Variants in RLF observed in about 807,000 individuals in gnomAD.
RLF encodes zinc finger protein Rlf.
RLF carries 7 observed loss-of-function variants against 162.9 expected under a neutral mutation model. The ratio of observed to expected loss-of-function variants is 0.04; its 90% CI spans 0.02 to 0.08. RLF has a LOEUF of 0.08. Among genes scored for constraint, RLF ranks in the 10% least tolerant of loss-of-function variants. The probability of loss-of-function intolerance (pLI) is 1.00; values close to 1 mark genes in which losing one functional copy is unlikely to be tolerated. For missense variants in RLF, 1,664 were observed against 2,244.7 expected (o/e 0.74, Z 5.23); for synonymous variants, 782 against 791.5 (o/e 0.99, Z 0.20).
chr1:40,188,548 T>G (rs1303852444), intron 1 of RLF, among the ~76,000 whole-genome samples: 2 of 151,690 alleles, frequency 1.3e-5, no homozygotes, highest in Non-Finnish European at 2.9e-5. Context: ...AATATCAATA[T>G]AACATTAACC....
chr1:40,185,843 C>CAAAAAAAAAAAAAAAAAAA (rs33982008), intron 1 of RLF, among the ~76,000 whole-genome samples: 19 of 67,538 alleles, frequency 2.8e-4, no homozygotes, highest in Admixed American at 7.0e-4. Flanking sequence ...AAAAAAAAAG[C>CAAAAAAAAAAAAAAAAAAA]AAAAAAAAAA....
chr1:40,203,203 C>T (rs963660278), intron 5 of RLF, among the ~76,000 whole-genome samples: 1 of 150,114 alleles, frequency 6.7e-6, no homozygotes, highest in Non-Finnish European at 1.5e-5. Flanking sequence ...CAGCCTCTGC[C>T]TCCCGGGTTC....
At chr1:40,217,047 TC>T (rs1365090431) in intron 5 of RLF, among the ~76,000 whole-genome samples, 1 of 151,936 alleles carries the variant, frequency 6.6e-6, no homozygotes, top group East Asian at 1.9e-4. Context: ...AGACTCTGTC[TC>T]CAAAAAAAGA....
intron 1 of RLF, among the ~76,000 whole-genome samples, chr1:40,179,695 G>C (rs972518222): frequency 6.6e-6 from 1 of 151,538 alleles, no homozygotes; most frequent in Non-Finnish European, 1.5e-5. Flanking sequence ...TCCATCTCCA[G>C]AACTTTGTCA....
Position 40,239,644 on chromosome 1 carries a change from G to A in RLF, c.4942G>A (p.Asp1648Asn). The A allele has an allele frequency of 6.2e-7, 1 of 1,614,200 alleles. No individual in the cohort carries two copies. Among genetic ancestry groups the A allele is most frequent in the Non-Finnish European group, 8.5e-7 (1 of 1,180,042 alleles). Residue 1648 changes from aspartate to asparagine, a missense_variant, in exon 8 of 8, where the codon GAT (aspartate) becomes AAT (asparagine). This residue lies in a region of RLF where 327 missense variants were observed against 342.7 expected (regional missense o/e 0.95). Transcript: ENST00000372771. ...TGATTGCTGTCATTCAAGTGAAAGG[G>A]ATGGAGGTCAGAAAGGGTGCATAGA... ...NTDCCHSSER[D>N]GGQKGCIESS...
chr1:40,236,038 C>T lies in RLF; in HGVS notation c.1336C>T (p.Pro446Ser). 6.2e-7 allele frequency: 1 copy of T among 1,613,624 alleles called. No homozygotes were observed. The change falls in exon 8 of 8, where the codon CCG becomes TCG. Residue 446 changes from proline (P) to serine (S), a missense_variant. This residue lies in a region of RLF where 287 missense variants were observed against 404.9 expected (regional missense o/e 0.71). Transcript: ENST00000372771. This position sits in a 1 kb window ranked among gnomAD's most constrained non-coding sequence, Gnocchi z 7.7. The part of the protein sequence containing the change: ...PDQKFDEENA[P>S]VPNSLRCELL... Reference sequence around the variant, plus strand: ...TCAAAAATTTGATGAAGAAAATGCACCGGTTCCAAATTCTCTTCGATGTGA... The same window carrying T: ...TCAAAAATTTGATGAAGAAAATGCATCGGTTCCAAATTCTCTTCGATGTGA...
rs747405591 is a variant in RLF, at chr1:40,236,434, G to A, written c.1732G>A (p.Glu578Lys). Reference sequence around the variant, plus strand: ...TCTTCATCATTCTAAGATGCATATGGAAGATGGAATTTACACCTGTCCAGT... The same window carrying A: ...TCTTCATCATTCTAAGATGCATATGAAAGATGGAATTTACACCTGTCCAGT... The part of the protein sequence containing the change: ...RILHHSKMHM[E>K]DGIYTCPVCI... Residue 578 changes from glutamate (E) to lysine (K), a missense_variant, in exon 8 of 8, where the codon GAA becomes AAA. By Grantham distance (56) the Glu-to-Lys change is moderately conservative. Around this residue, in one of 15 missense-constraint regions of RLF, gnomAD observed 31 missense variants for 80.5 expected, o/e 0.39. Coordinates refer to ENST00000372771, the MANE Select transcript of RLF (RefSeq NM_012421.4). This position sits in a 1 kb window ranked among gnomAD's most constrained non-coding sequence, Gnocchi z 7.7. 3.7e-6 allele frequency: 6 copies of A among 1,613,908 alleles called. No homozygotes were observed. The highest frequency in any genetic ancestry group is 5.1e-6 in the Non-Finnish European group (6 of 1,179,994).
At chr1:40,205,245 G>T (rs904858855) in intron 5 of RLF, among the ~76,000 whole-genome samples, 2 of 151,626 alleles carry the variant, frequency 1.3e-5, no homozygotes, top group Non-Finnish European at 2.9e-5. Flanking sequence ...CTTGAGCCCG[G>T]GAATTGCTTG....
At chr1:40,218,689 A>G (rs769326888) in intron 5 of RLF, among the ~76,000 whole-genome samples, 1 of 151,718 alleles carries the variant, frequency 6.6e-6, no homozygotes, top group African/African-American at 2.4e-5. Flanking sequence ...TTCAGTCAGT[A>G]TTATTCTTCC....
chr1:40,165,764 T>G (rs1642156394), intron 1 of RLF, among the ~76,000 whole-genome samples: 1 of 152,112 alleles, frequency 6.6e-6, no homozygotes, highest in Admixed American at 6.6e-5. Flanking sequence ...CTTTATTCCC[T>G]AAAATACCTC....
Position 40,227,244 on chromosome 1 carries a change from G to A in RLF, c.948-4273G>A, listed in dbSNP as rs118034048. ...AAATTTATATATAATTTGTTGAAAT[G>A]AGCTAGGTAATGGGCTAAATCAAGG... On this transcript the variant is annotated intron_variant, in intron 6 of 7. Transcript: ENST00000372771. Among the ~76,000 whole-genome samples, 33 of 152,278 alleles carry A rather than the reference G, an allele frequency of 2.2e-4. No individual in the cohort carries two copies. In the East Asian group the frequency reaches 6.4e-3, roughly 29 times the overall value.
chr1:40,190,814 G>T lies in RLF; in HGVS notation c.435G>T (p.Leu145=). The T allele has an allele frequency of 6.2e-7, 1 of 1,613,108 alleles. No homozygotes were observed. The highest frequency in any genetic ancestry group is 8.5e-7 in the Non-Finnish European group (1 of 1,179,498). ...ELLLSVSESE[L]PCEVWLPFLQ... is the part of the protein sequence containing the mutation. ...TGCTTTCAGTGTCTGAAAGTGAACT[G>T]CCATGTGAAGTCTGGCTACCATTCC... is the stretch of plus-strand genomic sequence containing the variant. The change falls in exon 3 of 8, where the codon CTG becomes CTT. Residue 145 remains leucine, a synonymous_variant. Coordinates refer to ENST00000372771, the MANE Select transcript of RLF (RefSeq NM_012421.4).
chr1:40,177,336 C>A (rs1321314844), intron 1 of RLF, among the ~76,000 whole-genome samples: 1 of 150,046 alleles, frequency 6.7e-6, no homozygotes, highest in African/African-American at 2.5e-5. Context: ...GTCACCCAGG[C>A]TGGAGTGCAG....
At chr1:40,197,421 A>G (rs1052524021) in intron 4 of RLF, among the ~76,000 whole-genome samples, 3 of 152,202 alleles carry the variant, frequency 2.0e-5, no homozygotes, top group Non-Finnish European at 4.4e-5. Context: ...GGCAGATCCT[A>G]TCCAGATAAG....
intron 1 of RLF, among the ~76,000 whole-genome samples, chr1:40,169,547 C>T (rs1255454337): frequency 1.5e-5 from 2 of 129,518 alleles, no homozygotes; most frequent in African/African-American, 2.9e-5. Flanking sequence ...ACCCGGGAGG[C>T]GGAGCTTGCA....
At chr1:40,180,148 A>T (rs1642387100) in intron 1 of RLF, among the ~76,000 whole-genome samples, 1 of 152,168 alleles carries the variant, frequency 6.6e-6, no homozygotes, top group Non-Finnish European at 1.5e-5. Flanking sequence ...TAATTTTTGG[A>T]GGAACCACCA....
chr1:40,201,207 T>C (rs1162730116), intron 4 of RLF, among the ~76,000 whole-genome samples: 4 of 151,632 alleles, frequency 2.6e-5, no homozygotes, highest in African/African-American at 9.7e-5. Flanking sequence ...GATACTGTTT[T>C]AGATTAACCA....
At position 40,222,585 on chromosome 1, in the gene RLF, C is replaced by G. The variant is rs146717003; in HGVS notation, c.822C>G (p.Val274=). The G allele has an allele frequency of 3.1e-5, 50 of 1,612,602 alleles. No homozygotes were observed. Among genetic ancestry groups the G allele is most frequent in the Non-Finnish European group, 4.1e-5 (48 of 1,179,434 alleles). The change falls in exon 6 of 8, where the codon GTC becomes GTG. Residue 274 remains valine (V), a synonymous_variant. Transcript: ENST00000372771. ...CTCATTTTTGATAGATTGCAAAGGT[C>G]GACTGCAAGGAAGTACTAGACATCA... ...NEDAIKEIAK[V]DCKEVLDIIC...
intron 5 of RLF, among the ~76,000 whole-genome samples, chr1:40,218,985 G>A (rs1642959569): frequency 6.6e-6 from 1 of 150,456 alleles, no homozygotes; most frequent in Admixed American, 6.6e-5. Context: ...AATTGTTTCA[G>A]TATCTTAAGT....
Sources: allele counts gnomAD v4.1 joint callset (sites outside exome capture counted in the v4.1 genomes callset), GRCh38; gene constraint gnomAD v4.1.1; regional missense constraint gnomAD v4.1.1; non-coding constraint Gnocchi (gnomAD v3.1); transcripts MANE v1.5; gene names NCBI Gene and HGNC (gene_info 2026-07-23, HGNC 2026-07-21).